MACROD2: variants seen among roughly 807,000 people sequenced by gnomAD.
MACROD2 encodes the protein ADP-ribose glycohydrolase MACROD2.
Under a neutral mutation model 70.4 loss-of-function variants are expected in MACROD2, and 36 were observed. The observed-to-expected ratio is 0.51, with a 90% confidence interval of 0.39 to 0.68. The LOEUF (loss-of-function observed/expected upper bound fraction) is 0.68. Ranked by LOEUF, MACROD2 falls within the 30% of genes least tolerant of loss-of-function variation. The probability of loss-of-function intolerance (pLI) is 0.00; values close to 1 mark genes in which losing one functional copy is unlikely to be tolerated. For synonymous variants in MACROD2, 172 were observed against 178.8 expected (o/e 0.96, Z 0.30); for missense variants, 496 against 538.4 (o/e 0.92, Z 0.78).
At chr20:15,346,627 TTC>T (rs1268542230) in intron 6 of MACROD2, among the ~76,000 whole-genome samples, 3 of 152,166 alleles carry the variant, frequency 2.0e-5, no homozygotes, top group Non-Finnish European at 4.4e-5. Flanking sequence ...TCACAATGTG[TTC>T]TCTTTGTGTT....
chr20:15,151,289 T>C (rs1315843645), intron 5 of MACROD2, among the ~76,000 whole-genome samples: 1 of 152,064 alleles, frequency 6.6e-6, no homozygotes, highest in East Asian at 1.9e-4. Flanking sequence ...TTCCAGCACT[T>C]GTAGCAAGCT....
chr20:14,741,772 G>T (rs931721573), intron 5 of MACROD2, among the ~76,000 whole-genome samples: 4 of 151,950 alleles, frequency 2.6e-5, no homozygotes, highest in African/African-American at 9.7e-5. Context: ...CAGTATATGA[G>T]TATAGTCACA....
chr20:14,674,060 G>A (rs766125311), intron 4 of MACROD2, among the ~76,000 whole-genome samples: 2 of 151,972 alleles, frequency 1.3e-5, no homozygotes, highest in South Asian at 2.1e-4. Context: ...TCCCTAAAAT[G>A]TTGTCAATCT....
chr20:15,178,454 A>G (rs574914886), intron 5 of MACROD2, among the ~76,000 whole-genome samples: 1 of 152,342 alleles, frequency 6.6e-6, no homozygotes, highest in East Asian at 1.9e-4. Flanking sequence ...ACAGAATTAT[A>G]AAGATTGGAA....
At chr20:15,655,972 C>T (rs2049724331) in intron 8 of MACROD2, among the ~76,000 whole-genome samples, 1 of 152,126 alleles carries the variant, frequency 6.6e-6, no homozygotes, top group African/African-American at 2.4e-5. Context: ...AAATGTTATC[C>T]TCGTAATGGT....
At chr20:14,178,453 G>T (rs1443698474) in intron 3 of MACROD2, among the ~76,000 whole-genome samples, 1 of 152,142 alleles carries the variant, frequency 6.6e-6, no homozygotes, top group Non-Finnish European at 1.5e-5. Context: ...TGTCTCCAGG[G>T]CACTTCTTTC....
At chr20:14,439,663 G>GT (rs1314954944) in intron 3 of MACROD2, among the ~76,000 whole-genome samples, 1 of 152,044 alleles carries the variant, frequency 6.6e-6, no homozygotes, top group East Asian at 1.9e-4. Flanking sequence ...CTATGCCTCA[G>GT]TTTTTTTCAT....
At chr20:15,275,844 G>C (rs1169604329) in intron 6 of MACROD2, among the ~76,000 whole-genome samples, 1 of 152,160 alleles carries the variant, frequency 6.6e-6, no homozygotes, top group Non-Finnish European at 1.5e-5. Context: ...CAAATCTCCA[G>C]TGGGAAATAT....
chr20:14,567,284 A>G (rs1979874239), intron 4 of MACROD2, among the ~76,000 whole-genome samples: 1 of 152,038 alleles, frequency 6.6e-6, no homozygotes, highest in African/African-American at 2.4e-5. Flanking sequence ...CCAATAGAGG[A>G]TATTGTATGT....
At chr20:14,401,215 G>A (rs1372146728) in intron 3 of MACROD2, among the ~76,000 whole-genome samples, 1 of 152,106 alleles carries the variant, frequency 6.6e-6, no homozygotes, top group African/African-American at 2.4e-5. Context: ...ATTCCAGTAG[G>A]TTGATTCCAT....
chr20:15,212,171 A>G (rs1037502412), intron 5 of MACROD2, among the ~76,000 whole-genome samples: 4 of 152,128 alleles, frequency 2.6e-5, no homozygotes, highest in African/African-American at 7.2e-5. Flanking sequence ...ACCATTTCTC[A>G]AACCCTTCTT....
intron 8 of MACROD2, among the ~76,000 whole-genome samples, chr20:15,653,698 A>T (rs2049681651): frequency 6.6e-6 from 1 of 152,096 alleles, no homozygotes; most frequent in African/African-American, 2.4e-5. Flanking sequence ...ATGATTCCAC[A>T]TCCTTGAATC....
At chr20:14,899,577 A>C (rs2073871853) in intron 5 of MACROD2, among the ~76,000 whole-genome samples, 1 of 152,030 alleles carries the variant, frequency 6.6e-6, no homozygotes, top group Non-Finnish European at 1.5e-5. Context: ...CCTTTTTTAG[A>C]ATGGCATCAG....
chr20:15,710,953 C>T (rs2050617047), intron 8 of MACROD2, among the ~76,000 whole-genome samples: 1 of 152,156 alleles, frequency 6.6e-6, no homozygotes, highest in South Asian at 2.1e-4. Flanking sequence ...TATTTATCTT[C>T]GCTGTTTCCT....
At chr20:15,374,581 T>C (rs911086214) in intron 6 of MACROD2, among the ~76,000 whole-genome samples, 2 of 152,182 alleles carry the variant, frequency 1.3e-5, no homozygotes, top group Non-Finnish European at 2.9e-5. Flanking sequence ...TTTTTTGTTA[T>C]ACAGTTGTGT....
chr20:14,960,405 A>G (rs945675642), intron 5 of MACROD2, among the ~76,000 whole-genome samples: 2 of 152,142 alleles, frequency 1.3e-5, no homozygotes, highest in African/African-American at 4.8e-5. Flanking sequence ...TCTGTGCTGT[A>G]TATCTTGTTT....
At chr20:14,130,886 A>C (rs189991332) in intron 3 of MACROD2, among the ~76,000 whole-genome samples, 1 of 152,050 alleles carries the variant, frequency 6.6e-6, no homozygotes, top group Non-Finnish European at 1.5e-5. Context: ...TTTTATCTTC[A>C]AGATCTGTGA....
At chr20:15,199,583 T>C (rs1046168156) in intron 5 of MACROD2, among the ~76,000 whole-genome samples, 8 of 152,030 alleles carry the variant, frequency 5.3e-5, no homozygotes, top group Non-Finnish European at 1.0e-4. Flanking sequence ...TTTGTTATAA[T>C]TGTTACTAAA....
chr20:14,538,967 G>A (rs2123227196), intron 4 of MACROD2, among the ~76,000 whole-genome samples: 1 of 152,316 alleles, frequency 6.6e-6, no homozygotes, highest in South Asian at 2.1e-4. Context: ...TTTCGCTGGT[G>A]TGTCCCTAGT....
Sources: gnomAD v4.1 joint callset for allele counts (sites outside exome capture counted in the v4.1 genomes callset) on GRCh38, gnomAD v4.1.1 for gene constraint, MANE v1.5 for transcripts, NCBI Gene and HGNC (gene_info 2026-07-23, HGNC 2026-07-21) for gene names.